COL9A2: variants seen among roughly 807,000 people sequenced by gnomAD.
COL9A2 encodes collagen alpha-2(IX) chain.
A neutral mutation model predicts 111.6 loss-of-function variants in COL9A2; 66 were observed. The ratio of observed to expected loss-of-function variants is 0.59; its 90% CI spans 0.48 to 0.73. COL9A2 has a LOEUF of 0.73. Among genes scored for constraint, COL9A2 ranks in the 30% least tolerant of loss-of-function variants. The pLI is 0.00. For synonymous variants in COL9A2, 353 were observed against 364.1 expected, an observed-to-expected ratio of 0.97 and a Z score of 0.35; for missense variants, 881 against 954.1, an observed-to-expected ratio of 0.92 and a Z score of 1.01.
At chr1:40,304,752 C>T (rs373484538) in intron 22 of COL9A2, 42 bp downstream of exon 22, 74 of 1,530,624 alleles carry the variant, frequency 4.8e-5, no homozygotes, top group Middle Eastern at 1.8e-4. Context: ...TGCCAGCTGC[C>T]GCAGAGGCCC....
rs1569741982 is a variant in COL9A2, at chr1:40,310,189, T to G, written c.739-25A>C. ...CCTGGGGAGAGGAAAGGGTTGCAGG[T>G]CAGTCCTGGCTGAACTCCAGGGGCC... On this transcript the variant is annotated intron_variant, in intron 14 of 31. Coordinates refer to ENST00000372748, the MANE Select transcript of COL9A2 (RefSeq NM_001852.4). The surrounding 1 kb of genome is among the most constrained non-coding windows in gnomAD (Gnocchi z 4.9). 1.2e-6 allele frequency: 2 copies of G among 1,614,032 alleles called. No individual in the cohort carries two copies. The highest frequency in any genetic ancestry group is 1.7e-6 in the Non-Finnish European group (2 of 1,179,946).
Position 40,312,377 on chromosome 1 carries a change from G to A in COL9A2, c.363+79C>T. The A allele has an allele frequency of 1.3e-6, 2 of 1,554,410 alleles. No individual in the cohort carries two copies. Among genetic ancestry groups the A allele is most frequent in the Non-Finnish European group, 1.8e-6 (2 of 1,138,854 alleles). ...AGCAAGCTGGCTCCTTCCCATGGTG[G>A]CCATTCCCTCGAAGCCTTTCTGTTG... On this transcript the variant is annotated intron_variant, in intron 7 of 31. Transcript: ENST00000372748. This position sits in a 1 kb window ranked among gnomAD's most constrained non-coding sequence, Gnocchi z 6.0.
In COL9A2 at chr1:40,317,127, T is replaced by A. The variant is rs764737673; in HGVS notation, c.71A>T (p.Gln24Leu). 17 of 1,575,902 alleles carry A rather than the reference T, an allele frequency of 1.1e-5. No individual in the cohort carries two copies. The South Asian group carries it at 2.0e-4, about 18-fold the overall frequency. ...CGGAGGGGCTGCGAAACTTACAATC[T>A]GCGCCAGAGCGAGCACTACCACCTG... ...LLQVVVLALAQIRGPPGERGP... is the reference protein window; with the variant it reads ...LLQVVVLALALIRGPPGERGP... The change falls in exon 1 of 32, where the codon CAG (glutamine) becomes CTG (leucine). Residue 24 changes from glutamine to leucine, a missense_variant. Transcript: ENST00000372748. This position sits in a 1 kb window ranked among gnomAD's most constrained non-coding sequence, Gnocchi z 4.3.
Position 40,301,059 on chromosome 1 carries a change from G to T in COL9A2, c.*123C>A, listed in dbSNP as rs912674043. On this transcript the variant is annotated 3_prime_UTR_variant, in exon 32 of 32. Transcript: ENST00000372748. ...AGAATTCCTTTTCCTTAGGACTCCTGAGTCCCAGACAGAAGGTCCTGGGGG... is the reference window on the plus strand; with the variant it reads ...AGAATTCCTTTTCCTTAGGACTCCTTAGTCCCAGACAGAAGGTCCTGGGGG... 4.6e-5 allele frequency: 47 copies of T among 1,014,114 alleles called. No homozygotes were observed. Among genetic ancestry groups the T allele is most frequent in the Non-Finnish European group, 4.4e-5 (29 of 666,350 alleles). 62.8% of individuals were successfully genotyped at this position (1,014,114 alleles called of 1,614,324 possible).
At position 40,305,703 on chromosome 1, in the gene COL9A2, G is replaced by A. The variant is rs1218511088; in HGVS notation, c.1107+12C>T. On this transcript the variant is annotated intron_variant, in intron 21 of 31. Transcript: ENST00000372748. ...AAGCAGGAACCCTTGTGTCAGTGCA[G>A]GGGGCATTTACCTCTTTCCCAGGGG... The A allele has an allele frequency of 1.2e-6, 2 of 1,613,376 alleles. No individual in the cohort carries two copies. The highest frequency in any genetic ancestry group is 1.7e-6 in the Non-Finnish European group (2 of 1,179,324).
At position 40,308,825 on chromosome 1, in the gene COL9A2, G is replaced by A. The variant is rs184560192; in HGVS notation, c.847-580C>T. Reference sequence around the variant, plus strand: ...GCAATAACAAAATCAAAGGAAGGAGGGGTCTGGGGGATAGAGGACACAAGA... The same window carrying A: ...GCAATAACAAAATCAAAGGAAGGAGAGGTCTGGGGGATAGAGGACACAAGA... On this transcript the variant is annotated intron_variant, in intron 16 of 31. Transcript: ENST00000372748. 2.0e-5 allele frequency among the ~76,000 whole-genome samples: 3 copies of A among 152,228 alleles called. No individual in the cohort carries two copies. In the East Asian group the frequency reaches 5.8e-4, roughly 29 times the overall value.
Position 40,303,191 on chromosome 1 carries a change from A to G in COL9A2, c.1549-6T>C. On this transcript the variant is annotated splice_region_variant and splice_polypyrimidine_tract_variant and intron_variant, in intron 28 of 31. Transcript: ENST00000372748. The surrounding 1 kb of genome is among the most constrained non-coding windows in gnomAD (Gnocchi z 4.6). The stretch of plus-strand genomic sequence containing the variant: ...TGGTCAGTGGCATCCCGGCCCTGAA[A>G]GCAGAGGCCTTTCAGGAAGAAGCCC... The G allele has an allele frequency of 6.2e-7, 1 of 1,610,122 alleles. No individual in the cohort carries two copies. The highest frequency in any genetic ancestry group is 1.7e-5 in the Admixed American group (1 of 59,682).
chr1:40,316,828 G>A lies in COL9A2; in HGVS notation c.75+295C>T. On this transcript the variant is annotated intron_variant, in intron 1 of 31. Transcript: ENST00000372748. This position sits in a 1 kb window ranked among gnomAD's most constrained non-coding sequence, Gnocchi z 5.5. ...CACCATTGTATGCCCCGCCACCTGGGCTCCCCGGGCTGCCAGGACCGGGCG... is the reference window on the plus strand; with the variant it reads ...CACCATTGTATGCCCCGCCACCTGGACTCCCCGGGCTGCCAGGACCGGGCG... 1 of 527,458 alleles carries A rather than the reference G, an allele frequency of 1.9e-6. No homozygotes were observed. The highest frequency in any genetic ancestry group is 2.0e-5 in the South Asian group (1 of 50,714). 32.7% of individuals were successfully genotyped at this position (527,458 alleles called of 1,614,324 possible).
rs1199490954 is a variant in COL9A2 at position 40,311,838 on chromosome 1, A to G, written c.418-123T>C. The G allele has an allele frequency of 8.7e-7, 1 of 1,146,060 alleles. No homozygotes were observed. Among genetic ancestry groups the G allele is most frequent in the African/African-American group, 1.5e-5 (1 of 65,552 alleles). 71.0% of individuals were successfully genotyped at this position (1,146,060 alleles called of 1,614,324 possible). A position where few individuals can be genotyped will look rare whatever the true frequency, so the allele number is the denominator to read the frequency against. ...TCTTCCCGGTCACTTTGTGAGATCC[A>G]CCATCTTGGGAGATGAAGGCCTGAT... On this transcript the variant is annotated intron_variant, in intron 8 of 31. Transcript: ENST00000372748. This position sits in a 1 kb window ranked among gnomAD's most constrained non-coding sequence, Gnocchi z 5.1.
chr1:40,307,858 G>T lies in COL9A2; in HGVS notation c.901-102C>A. On this transcript the variant is annotated intron_variant, in intron 17 of 31. Coordinates refer to ENST00000372748, the MANE Select transcript of COL9A2 (RefSeq NM_001852.4). The surrounding 1 kb of genome is among the most constrained non-coding windows in gnomAD (Gnocchi z 4.8). ...GAGACAGCTGCAGTGTGCAGGGAGG[G>T]AGTGGCTCTGGTCATCCCAGGAAGC... 7.7e-7 allele frequency: 1 copy of T among 1,295,840 alleles called. No homozygotes were observed. Among genetic ancestry groups the T allele is most frequent in the Non-Finnish European group, 1.1e-6 (1 of 905,696 alleles). The allele number at this position is 1,295,840 out of a possible 1,614,324, so 80.3% of individuals were successfully genotyped here.
At chr1:40,305,817 T>C (rs1357557481) in intron 20 of COL9A2, 49 bp from the exon 21 acceptor site, 2 of 1,568,202 alleles carry the variant, frequency 1.3e-6, no homozygotes, top group East Asian at 2.2e-5. Context: ...AGTCAGGCCC[T>C]TGGCCTCAGG....
intron 2 of COL9A2, 113 bp downstream of exon 2, chr1:40,315,477 G>A (rs558888071): frequency 6.8e-6 from 10 of 1,466,428 alleles, no homozygotes; most frequent in Non-Finnish European, 8.2e-6. Flanking sequence ...TATTGGCGAC[G>A]AGGGGCACTA....
At chr1:40,315,164 A>C in intron 2 of COL9A2, 28 of 942,920 alleles carry the variant, frequency 3.0e-5, no homozygotes, top group South Asian at 4.2e-5. Flanking sequence ...TAAATCGGGG[A>C]GAGAAAACCG....
intron 16 of COL9A2, among the ~76,000 whole-genome samples, chr1:40,309,433 G>GAA (rs374162527): frequency 0.07 from 10,066 of 143,654 alleles, 588 homozygotes; most frequent in East Asian, 0.17. Flanking sequence ...CTATTAATTG[G>GAA]GAAAAAAAAA....
rs1216009944 is a variant in COL9A2 at position 40,312,149 on chromosome 1, AG to A, written c.364-38del. The A allele has an allele frequency of 6.4e-7, 1 of 1,556,208 alleles. No homozygotes were observed. The highest frequency in any genetic ancestry group is 1.9e-5 in the Admixed American group (1 of 53,988). On this transcript the variant is annotated intron_variant, in intron 7 of 31. Coordinates refer to ENST00000372748, the MANE Select transcript of COL9A2 (RefSeq NM_001852.4). This position sits in a 1 kb window ranked among gnomAD's most constrained non-coding sequence, Gnocchi z 6.0. ...AGAGTTGATGGTCAGGATGCCTCAG[AG>A]GGTCAGATACCCTGGGCACAAAGGT... is the stretch of plus-strand genomic sequence containing the variant.
At chr1:40,308,832 G>C (rs576096207) in intron 16 of COL9A2, among the ~76,000 whole-genome samples, 1 of 152,294 alleles carries the variant, frequency 6.6e-6, no homozygotes, top group East Asian at 1.9e-4. Context: ...GAGGGGTCTG[G>C]GGGATAGAGG....
intron 21 of COL9A2, chr1:40,305,098 T>TG (rs1437620188): frequency 2.7e-6 from 1 of 365,934 alleles, no homozygotes; most frequent in African/African-American, 2.2e-5. Flanking sequence ...GAGGGAGTCT[T>TG]GCTCTGTCAC....
chr1:40,303,872 G>A lies in COL9A2; in HGVS notation c.1369-33C>T. The stretch of plus-strand genomic sequence containing the variant: ...CACAAGGAGCAGCGGTCACGAAGCC[G>A]CGGGGACCCCGGGGCCAGCCGCCGC... On this transcript the variant is annotated intron_variant, in intron 26 of 31. Transcript: ENST00000372748. The surrounding 1 kb of genome is among the most constrained non-coding windows in gnomAD (Gnocchi z 4.6). 1 of 1,548,920 alleles carries A rather than the reference G, an allele frequency of 6.5e-7. No homozygotes were observed. Among genetic ancestry groups the A allele is most frequent in the Non-Finnish European group, 8.7e-7 (1 of 1,146,764 alleles).
At position 40,301,274 on chromosome 1, in the gene COL9A2, G is replaced by C. The variant is rs1185274349; in HGVS notation, c.1978C>G (p.Leu660Val). 4.3e-6 allele frequency: 7 copies of C among 1,613,780 alleles called. No homozygotes were observed. The highest frequency in any genetic ancestry group is 2.7e-5 in the African/African-American group (2 of 74,942). The change falls in exon 32 of 32, where the codon CTG becomes GTG. Residue 660 changes from leucine (L) to valine (V), a missense_variant. Physicochemically the swap from Leu to Val is conservative, Grantham distance 32. Coordinates refer to ENST00000372748, the MANE Select transcript of COL9A2 (RefSeq NM_001852.4). The stretch of plus-strand genomic sequence containing the variant: ...GCGGCAGGTTCACAGAAGCCCGGCA[G>C]CCCCACGGGGCCTGGCAGGCCAGGT... ...GRPGLPGPVG[L>V]PGFCEPAACL... is the part of the protein sequence containing the mutation.
Sources: allele counts gnomAD v4.1 joint callset (sites outside exome capture counted in the v4.1 genomes callset), GRCh38; gene constraint gnomAD v4.1.1; non-coding constraint Gnocchi (gnomAD v3.1); transcripts MANE v1.5; gene names NCBI Gene and HGNC (gene_info 2026-07-23, HGNC 2026-07-21).